The following PCSK5 variants were observed in gnomAD, a reference collection of about 807,000 sequenced individuals.
PCSK5 encodes proprotein convertase subtilisin/kexin type 5.
In PCSK5, 129 loss-of-function variants were observed where a neutral mutation model predicts 233.2. That is an observed-to-expected ratio of 0.55 (90% CI 0.48 to 0.64). PCSK5 has a LOEUF of 0.64. PCSK5 is among the 30% of genes least tolerant of loss of function. The pLI, the probability that PCSK5 is intolerant of heterozygous loss-of-function variation, is 0.00. For missense variants in PCSK5, 2,076 were observed against 2,430.1 expected (o/e 0.85, Z 3.06); for synonymous variants, 825 against 879.2 (o/e 0.94, Z 1.09).
intron 7 of PCSK5, among the ~76,000 whole-genome samples, chr9:76,078,467 AG>A (rs1265023181): frequency 6.6e-6 from 1 of 152,186 alleles, no homozygotes; most frequent in Non-Finnish European, 1.5e-5. Flanking sequence ...GGTGAAAGGT[AG>A]GGGTCCAGTT....
chr9:76,288,543 G>A (rs920587695), intron 24 of PCSK5, among the ~76,000 whole-genome samples: 2 of 152,200 alleles, frequency 1.3e-5, no homozygotes, highest in Admixed American at 1.3e-4. Context: ...TTGGGATCAG[G>A]GGTTTGATAC....
rs1012899099 is a variant in PCSK5 at position 75,989,172 on chromosome 9, A to G, written c.411+2927A>G. Among the ~76,000 whole-genome samples, 6 of 152,158 alleles carry G rather than the reference A, an allele frequency of 3.9e-5. No individual in the cohort carries two copies. The East Asian group carries it at 9.6e-4, about 24-fold the overall frequency. ...TCTGGATGCCCATCCCCATTGCTTC[A>G]CTTAGAATCTCCATGATTGAATCAG... On this transcript the variant is annotated intron_variant, in intron 3 of 37. Transcript: ENST00000674117.
At chr9:76,219,996 G>A (rs1178463262) in intron 20 of PCSK5, among the ~76,000 whole-genome samples, 4 of 152,222 alleles carry the variant, frequency 2.6e-5, no homozygotes, top group African/African-American at 7.2e-5. Context: ...GACAGTTGGG[G>A]ATAAAATCAT....
At chr9:76,107,911 C>G (rs1426399293) in intron 9 of PCSK5, among the ~76,000 whole-genome samples, 2 of 152,156 alleles carry the variant, frequency 1.3e-5, no homozygotes, top group Non-Finnish European at 2.9e-5. Flanking sequence ...TCTCTTTTTT[C>G]TCTAAGAACA....
intron 2 of PCSK5, among the ~76,000 whole-genome samples, chr9:75,957,016 G>A (rs1391906525): frequency 6.6e-6 from 1 of 152,042 alleles, no homozygotes; most frequent in Non-Finnish European, 1.5e-5. Flanking sequence ...GCCTGGGAGA[G>A]GGAAAATTCA....
intron 1 of PCSK5, among the ~76,000 whole-genome samples, chr9:75,895,360 A>T (rs184380219): frequency 7.0e-4 from 107 of 152,318 alleles, no homozygotes; most frequent in African/African-American, 2.5e-3. Context: ...GAATCTGAGG[A>T]GAAAGGTCAA....
In PCSK5 at chr9:76,321,472, G is replaced by A; in HGVS notation, c.3935G>A (p.Arg1312Lys). ...GICERCSSPC[R>K]TCEGNATNCH... ...TGTGAACGCTGTAGCTCTCCTTGCA[G>A]AACATGTGAAGGAAACGCCACCAAC... The change falls in exon 31 of 38, where the codon AGA becomes AAA. Residue 1312 changes from arginine to lysine, a missense_variant. Arg to Lys is a conservative substitution (Grantham distance 26, BLOSUM62 2). Transcript: ENST00000674117. The A allele has an allele frequency of 6.2e-7, 1 of 1,611,824 alleles. No homozygotes were observed. Among genetic ancestry groups the A allele is most frequent in the Non-Finnish European group, 8.5e-7 (1 of 1,179,012 alleles).
chr9:75,891,513 C>T lies in PCSK5; in HGVS notation c.192+140C>T, dbSNP rs189942389. On this transcript the variant is annotated intron_variant, in intron 1 of 37. Coordinates refer to ENST00000674117, the MANE Select transcript of PCSK5 (RefSeq NM_001372043.1). ...TAACTCTTGGGCGATGCTCTGTCTC[C>T]TGCGCGCGCGCGCGTACGCACACAC... is the stretch of plus-strand genomic sequence containing the variant. 6.2e-4 allele frequency: 384 copies of T among 622,312 alleles called. No homozygotes were observed. In the African/African-American group the frequency reaches 7.7e-3, roughly 13 times the overall value. The allele number at this position is 622,312 out of a possible 1,614,324, so 38.5% of individuals were successfully genotyped here.
intron 5 of PCSK5, among the ~76,000 whole-genome samples, chr9:76,062,858 A>G (rs1830078629): frequency 6.6e-6 from 1 of 152,124 alleles, no homozygotes; most frequent in Non-Finnish European, 1.5e-5. Context: ...ATTATTAACT[A>G]TTATCATTCT....
intron 24 of PCSK5, among the ~76,000 whole-genome samples, chr9:76,271,416 G>A (rs1009740894): frequency 3.9e-5 from 6 of 152,172 alleles, no homozygotes; most frequent in Non-Finnish European, 5.9e-5. Flanking sequence ...CTAAGAAGAA[G>A]TAGCTGAATT....
intron 20 of PCSK5, among the ~76,000 whole-genome samples, chr9:76,223,351 A>G (rs1008658440): frequency 2.0e-5 from 3 of 152,196 alleles, no homozygotes; most frequent in African/African-American, 7.2e-5. Context: ...AAAGGATTAT[A>G]CTTCAATCTT....
chr9:76,339,301 T>C (rs1829765531), intron 35 of PCSK5, among the ~76,000 whole-genome samples: 1 of 152,184 alleles, frequency 6.6e-6, no homozygotes, highest in Admixed American at 6.5e-5. Flanking sequence ...TACATACCTG[T>C]TCTTTTCAAA....
chr9:76,294,823 G>C (rs945124764), intron 25 of PCSK5, among the ~76,000 whole-genome samples: 6 of 152,120 alleles, frequency 3.9e-5, no homozygotes, highest in African/African-American at 1.4e-4. Context: ...GTGCATAACA[G>C]ACCAAGCCTG....
chr9:76,145,564 T>C (rs2131782411), intron 10 of PCSK5, among the ~76,000 whole-genome samples: 1 of 152,332 alleles, frequency 6.6e-6, no homozygotes, highest in African/African-American at 2.4e-5. Context: ...AACTCTCTTA[T>C]TGAAATTAAT....
At chr9:76,277,539 A>T (rs192962107) in intron 24 of PCSK5, among the ~76,000 whole-genome samples, 1 of 152,238 alleles carries the variant, frequency 6.6e-6, no homozygotes, top group African/African-American at 2.4e-5. Context: ...TACTTATTCC[A>T]GTCTCTTCTA....
chr9:76,274,021 T>C (rs1056418636), intron 24 of PCSK5, among the ~76,000 whole-genome samples: 1 of 151,882 alleles, frequency 6.6e-6, no homozygotes, highest in African/African-American at 2.4e-5. Context: ...TATCAAATAT[T>C]GTACCTTTCC....
intron 13 of PCSK5, among the ~76,000 whole-genome samples, chr9:76,171,241 G>A (rs4744784): frequency 0.19 from 28,420 of 151,984 alleles, 2,850 homozygotes; most frequent in Middle Eastern, 0.26. Flanking sequence ...TCTTTGCAGC[G>A]CATGCTTATT....
chr9:76,079,185 C>T (rs556184972), intron 7 of PCSK5, among the ~76,000 whole-genome samples: 1 of 151,844 alleles, frequency 6.6e-6, no homozygotes, highest in East Asian at 1.9e-4. Context: ...CTCACTGCAA[C>T]CTCCGCCTCT....
At chr9:76,041,878 C>T (rs1358643090) in intron 5 of PCSK5, among the ~76,000 whole-genome samples, 1 of 151,594 alleles carries the variant, frequency 6.6e-6, no homozygotes, top group Admixed American at 6.6e-5. Flanking sequence ...AATGTGTTCA[C>T]TGTCTTTTTA....
Sources: gnomAD v4.1 joint callset for allele counts (sites outside exome capture counted in the v4.1 genomes callset) on GRCh38, gnomAD v4.1.1 for gene constraint, MANE v1.5 for transcripts, NCBI Gene and HGNC (gene_info 2026-07-23, HGNC 2026-07-21) for gene names.